BTBD8: variants seen among roughly 807,000 people sequenced by gnomAD.
BTBD8 encodes the protein BTB domain containing 8.
A neutral mutation model predicts 162.9 loss-of-function variants in BTBD8; 110 were observed. The ratio of observed to expected loss-of-function variants is 0.68; its 90% CI spans 0.58 to 0.79. The LOEUF is 0.79. Ranked by LOEUF, BTBD8 falls within the 30% of genes least tolerant of loss-of-function variation. The pLI is 0.00. For missense variants in BTBD8, 1,905 were observed against 2,085.4 expected, an observed-to-expected ratio of 0.91 and a Z score of 1.68; for synonymous variants, 667 against 716.1, an observed-to-expected ratio of 0.93 and a Z score of 1.10.
intron 7 of BTBD8, 101 bp from the exon 8 acceptor site, chr1:92,147,079 C>G: frequency 1.3e-6 from 1 of 743,320 alleles, no homozygotes; most frequent in East Asian, 2.8e-5. Context: ...TGTATGTGTT[C>G]TGCAGTTTAG....
intron 5 of BTBD8, among the ~76,000 whole-genome samples, chr1:92,134,461 C>CT: frequency 6.6e-6 from 1 of 152,244 alleles, no homozygotes; most frequent in South Asian, 2.1e-4. Context: ...GCATCAGGGC[C>CT]TTTGTTTTTT....
intron 9 of BTBD8, among the ~76,000 whole-genome samples, chr1:92,159,631 C>G (rs1215545341): frequency 6.6e-6 from 1 of 152,098 alleles, no homozygotes; most frequent in Non-Finnish European, 1.5e-5. Context: ...TTGTCTTTAT[C>G]TTTGCCTCAT....
intron 9 of BTBD8, among the ~76,000 whole-genome samples, chr1:92,162,092 G>A (rs1650285312): frequency 6.6e-6 from 1 of 152,030 alleles, no homozygotes; most frequent in South Asian, 2.1e-4. Flanking sequence ...GTGCTCCATT[G>A]ATTGTATATT....
At chr1:92,101,977 C>T (rs1020541991) in intron 2 of BTBD8, among the ~76,000 whole-genome samples, 46 of 152,046 alleles carry the variant, frequency 3.0e-4, no homozygotes, top group African/African-American at 1.0e-3. Flanking sequence ...GGATTACAGG[C>T]GTGAGCCATC....
intron 4 of BTBD8, among the ~76,000 whole-genome samples, chr1:92,117,538 GA>G (rs1278697351): frequency 4.6e-5 from 7 of 151,928 alleles, no homozygotes; most frequent in Non-Finnish European, 2.9e-5. Flanking sequence ...GAAGGAACTT[GA>G]ATATCTGTCA....
At chr1:92,182,642 A>T in intron 17 of BTBD8, 47 bp downstream of exon 17, 2 of 1,248,614 alleles carry the variant, frequency 1.6e-6, no homozygotes, top group Non-Finnish European at 2.1e-6. Flanking sequence ...AAATAAGTTT[A>T]TAAAATTTTA....
chr1:92,140,415 T>C (rs1044903908), intron 6 of BTBD8, among the ~76,000 whole-genome samples: 5 of 152,192 alleles, frequency 3.3e-5, no homozygotes, highest in South Asian at 4.1e-4. Flanking sequence ...TCCATTTTCT[T>C]GCTATTCTAA....
At chr1:92,119,104 C>T (rs1335703516) in intron 4 of BTBD8, among the ~76,000 whole-genome samples, 1 of 151,516 alleles carries the variant, frequency 6.6e-6, no homozygotes, top group Non-Finnish European at 1.5e-5. Flanking sequence ...CTACTGTAGA[C>T]TTTATAAATA....
At chr1:92,115,580 G>A (rs545817335) in intron 4 of BTBD8, 2 of 382,480 alleles carry the variant, frequency 5.2e-6, no homozygotes, top group Non-Finnish European at 1.0e-5. Flanking sequence ...CCTGGAAGAT[G>A]GTGATGGGAT....
intron 7 of BTBD8, among the ~76,000 whole-genome samples, chr1:92,145,399 A>G (rs1278221288): frequency 1.3e-5 from 2 of 152,210 alleles, no homozygotes; most frequent in Non-Finnish European, 2.9e-5. Context: ...GACATTTCCA[A>G]AGAAGGTTTT....
At chr1:92,121,625 C>G (rs1160119148) in intron 4 of BTBD8, among the ~76,000 whole-genome samples, 2 of 152,120 alleles carry the variant, frequency 1.3e-5, no homozygotes, top group South Asian at 4.2e-4. Context: ...AAGTCCAGTT[C>G]TATGAATTTT....
chr1:92,167,142 T>C lies in BTBD8; in HGVS notation c.1305+2T>C. ...GAAAATTTTGCTCTTCTTTTACAGGTACTATGCCTAAATTATATCCTATAT... is the reference window on the plus strand; with the variant it reads ...GAAAATTTTGCTCTTCTTTTACAGGCACTATGCCTAAATTATATCCTATAT... On this transcript the variant is annotated splice_donor_variant, in intron 10 of 17. Transcript: ENST00000636805. LOFTEE classifies it high-confidence loss of function. 1 of 1,550,458 alleles carries C rather than the reference T, an allele frequency of 6.4e-7. No individual in the cohort carries two copies. Among genetic ancestry groups the C allele is most frequent in the Non-Finnish European group, 8.7e-7 (1 of 1,146,892 alleles).
intron 1 of BTBD8, among the ~76,000 whole-genome samples, chr1:92,081,730 C>T (rs774631277): frequency 6.6e-5 from 10 of 152,244 alleles, no homozygotes; most frequent in Non-Finnish European, 1.5e-4. Context: ...CGCGCCACCA[C>T]GCCCGGCTAA....
intron 12 of BTBD8, among the ~76,000 whole-genome samples, chr1:92,169,456 T>G (rs895656573): frequency 4.6e-5 from 7 of 152,184 alleles, no homozygotes. Context: ...TTCAATGATG[T>G]GGAGTGTGCT....
chr1:92,183,755 G>GGT (rs375293916), intron 17 of BTBD8, 109 bp from the exon 18 acceptor site: 33 of 431,160 alleles, frequency 7.7e-5, no homozygotes, highest in Non-Finnish European at 1.0e-4. Flanking sequence ...CCCATTCTGT[G>GGT]TTTTTTTTTT....
At chr1:92,148,904 G>C (rs1392802942) in intron 9 of BTBD8, among the ~76,000 whole-genome samples, 1 of 152,206 alleles carries the variant, frequency 6.6e-6, no homozygotes, top group Non-Finnish European at 1.5e-5. Context: ...ATAATGTAGA[G>C]ACCATCTGGA....
At position 92,167,947 on chromosome 1, in the gene BTBD8, C is replaced by T. The variant is rs1344495953; in HGVS notation, c.1405C>T (p.Leu469=). 3 of 1,550,008 alleles carry T rather than the reference C, an allele frequency of 1.9e-6. No homozygotes were observed. Among genetic ancestry groups the T allele is most frequent in the African/African-American group, 1.4e-5 (1 of 73,130 alleles). The part of the protein sequence containing the change: ...TENSCSLLMA[L]DTLLNSDSTK... Reference sequence around the variant, plus strand: ...AAATAGCTGCTCTCTTCTTATGGCTCTGGACACACTGCTGAACTCTGACAG... The same window carrying T: ...AAATAGCTGCTCTCTTCTTATGGCTTTGGACACACTGCTGAACTCTGACAG... The change falls in exon 11 of 18, where the codon CTG becomes TTG. Residue 469 remains leucine (L), a synonymous_variant. Transcript: ENST00000636805.
intron 17 of BTBD8, 54 bp from the exon 18 acceptor site, chr1:92,183,810 C>A: frequency 1.8e-6 from 2 of 1,114,394 alleles, no homozygotes; most frequent in Admixed American, 2.7e-5. Flanking sequence ...CTACAAAACT[C>A]TGAGGGTACC....
intron 2 of BTBD8, among the ~76,000 whole-genome samples, chr1:92,090,561 A>C (rs1359431516): frequency 6.6e-6 from 1 of 152,172 alleles, no homozygotes; most frequent in Non-Finnish European, 1.5e-5. Flanking sequence ...ATGATTTATA[A>C]ATATTTTCTC....
Sources: gnomAD v4.1 joint callset for allele counts (sites outside exome capture counted in the v4.1 genomes callset) on GRCh38, gnomAD v4.1.1 for gene constraint, MANE v1.5 for transcripts, NCBI Gene and HGNC (gene_info 2026-07-23, HGNC 2026-07-21) for gene names.